The following CNTNAP5 variants were observed in gnomAD, a reference collection of about 807,000 sequenced individuals.
The protein encoded by CNTNAP5 is contactin-associated protein-like 5.
CNTNAP5 carries 72 observed loss-of-function variants against 150.2 expected under a neutral mutation model. The ratio of observed to expected loss-of-function variants is 0.48; its 90% CI spans 0.40 to 0.58. CNTNAP5 has a LOEUF of 0.58. CNTNAP5 is among the 20% of genes least tolerant of loss of function. The pLI, the probability that CNTNAP5 is intolerant of heterozygous loss-of-function variation, is 0.00. For synonymous variants in CNTNAP5, 672 were observed against 619.8 expected, an observed-to-expected ratio of 1.08 and a Z score of -1.25; for missense variants, 1,636 against 1,626.2, an observed-to-expected ratio of 1.01 and a Z score of -0.10.
intron 13 of CNTNAP5, among the ~76,000 whole-genome samples, chr2:124,655,745 T>G (rs1678429950): frequency 6.6e-6 from 1 of 151,352 alleles, no homozygotes; most frequent in South Asian, 2.1e-4. Flanking sequence ...AAAAGATATT[T>G]AAAAAGTTAT....
chr2:124,780,975 T>C (rs1681437019), intron 17 of CNTNAP5, among the ~76,000 whole-genome samples: 1 of 152,204 alleles, frequency 6.6e-6, no homozygotes, highest in South Asian at 2.1e-4. Flanking sequence ...CCTCTTTTCC[T>C]ACTATCTCAC....
chr2:124,754,856 A>AT (rs563809914), intron 14 of CNTNAP5, among the ~76,000 whole-genome samples: 96 of 146,260 alleles, frequency 6.6e-4, no homozygotes, highest in African/African-American at 1.5e-3. Context: ...CCCAGCCTAC[A>AT]TTTTTTTTTT....
At chr2:124,883,262 A>G (rs577509810) in intron 21 of CNTNAP5, among the ~76,000 whole-genome samples, 2 of 151,808 alleles carry the variant, frequency 1.3e-5, no homozygotes, top group South Asian at 2.1e-4. Flanking sequence ...GGCTTTCACC[A>G]TGTTGCCCGG....
At chr2:124,628,568 A>C (rs188203430) in intron 12 of CNTNAP5, among the ~76,000 whole-genome samples, 2 of 152,340 alleles carry the variant, frequency 1.3e-5, no homozygotes, top group Admixed American at 1.3e-4. Context: ...TGAAGGAAGC[A>C]CTAAACATAG....
intron 3 of CNTNAP5, among the ~76,000 whole-genome samples, chr2:124,361,405 A>T (rs200025362): frequency 8.6e-4 from 115 of 133,058 alleles, no homozygotes; most frequent in South Asian, 2.0e-3. Flanking sequence ...GAGTTTCCAG[A>T]TTTTCTGTTC....
intron 13 of CNTNAP5, among the ~76,000 whole-genome samples, chr2:124,678,915 G>A (rs1390789058): frequency 6.6e-6 from 1 of 151,934 alleles, no homozygotes; most frequent in Non-Finnish European, 1.5e-5. Context: ...TGCTTGGCAT[G>A]CTATAGGCAC....
At chr2:124,729,371 A>C in intron 13 of CNTNAP5, among the ~76,000 whole-genome samples, 1 of 152,212 alleles carries the variant, frequency 6.6e-6, no homozygotes, top group Middle Eastern at 3.4e-3. Context: ...ATAGAATAAT[A>C]ATGAATTTTT....
At chr2:124,670,025 A>G (rs904280703) in intron 13 of CNTNAP5, among the ~76,000 whole-genome samples, 2 of 151,954 alleles carry the variant, frequency 1.3e-5, no homozygotes, top group African/African-American at 4.8e-5. Flanking sequence ...TTCACTACTC[A>G]CAGCGAGACC....
chr2:124,880,612 C>G (rs1677945624), intron 21 of CNTNAP5, among the ~76,000 whole-genome samples: 1 of 152,034 alleles, frequency 6.6e-6, no homozygotes, highest in Admixed American at 6.6e-5. Flanking sequence ...TGCTCCCTAA[C>G]ATTGTTTGTA....
chr2:124,887,691 A>AT (rs1678109418), intron 21 of CNTNAP5, among the ~76,000 whole-genome samples: 1 of 152,142 alleles, frequency 6.6e-6, no homozygotes, highest in Admixed American at 6.6e-5. Context: ...AATTCATTCT[A>AT]GAAAGAAAAC....
In CNTNAP5 at chr2:124,869,695, C is replaced by T. The variant is rs1352805279; in HGVS notation, c.3369C>T (p.Leu1123=). The T allele has an allele frequency of 5.6e-6, 9 of 1,611,924 alleles. No homozygotes were observed. Among genetic ancestry groups the T allele is most frequent in the African/African-American group, 1.3e-5 (1 of 74,976 alleles). The change falls in exon 21 of 24, where the codon CTC becomes CTT. Residue 1123 remains leucine, a synonymous_variant. Transcript: ENST00000682447. ...LTIQMDQQLR[L]SYNFSPEVEF... ...TGCAGATGGACCAGCAACTTCGACT[C>T]AGTTATAACTTCTCTCCGGAAGTAG...
In CNTNAP5 at chr2:124,698,817, C is replaced by T. The variant is rs370032296; in HGVS notation, c.2078-48412C>T. On this transcript the variant is annotated intron_variant, in intron 13 of 23. Transcript: ENST00000682447. ...CCTCCCACTCTGAGGATTTCCCACC[C>T]CCTAGGCCATTAGAAAACCTGCATG... Among the ~76,000 whole-genome samples, 8 of 152,252 alleles carry T rather than the reference C, an allele frequency of 5.3e-5. No homozygotes were observed. The East Asian group carries it at 9.7e-4, about 18-fold the overall frequency.
intron 13 of CNTNAP5, among the ~76,000 whole-genome samples, chr2:124,649,108 A>G (rs1371858488): frequency 1.3e-5 from 2 of 152,220 alleles, no homozygotes; most frequent in African/African-American, 4.8e-5. Flanking sequence ...AATCTTTCTC[A>G]AATGGATTAC....
At chr2:124,319,244 G>C (rs935245282) in intron 3 of CNTNAP5, among the ~76,000 whole-genome samples, 4 of 152,132 alleles carry the variant, frequency 2.6e-5, no homozygotes, top group Non-Finnish European at 5.9e-5. Flanking sequence ...TAATACATAA[G>C]TCCAAAGCAG....
intron 1 of CNTNAP5, among the ~76,000 whole-genome samples, chr2:124,197,938 G>A (rs1359402928): frequency 6.6e-6 from 1 of 151,246 alleles, no homozygotes; most frequent in Admixed American, 6.6e-5. Flanking sequence ...CTGAGATCGC[G>A]CCACTGCACT....
chr2:124,602,338 CAA>C (rs35316532), intron 11 of CNTNAP5, among the ~76,000 whole-genome samples: 4,825 of 89,580 alleles, frequency 0.054, 133 homozygotes, highest in African/African-American at 0.11. Flanking sequence ...AAGACTTCAC[CAA>C]AAAAAAAAAA....
chr2:124,129,392 G>A (rs1683792673), intron 1 of CNTNAP5, among the ~76,000 whole-genome samples: 1 of 152,168 alleles, frequency 6.6e-6, no homozygotes, highest in Non-Finnish European at 1.5e-5. Context: ...CCCACAGCCA[G>A]GCTGGGCTAA....
At chr2:124,861,932 G>C (rs1677533527) in intron 19 of CNTNAP5, among the ~76,000 whole-genome samples, 1 of 152,120 alleles carries the variant, frequency 6.6e-6, no homozygotes, top group African/African-American at 2.4e-5. Flanking sequence ...TCCTGCCTCA[G>C]TCTCCTGAGT....
At chr2:124,852,217 T>A (rs1027581533) in intron 19 of CNTNAP5, among the ~76,000 whole-genome samples, 1 of 152,218 alleles carries the variant, frequency 6.6e-6, no homozygotes, top group East Asian at 1.9e-4. Flanking sequence ...GAGTCCATGA[T>A]GCACTAATCA....
Sources: allele counts gnomAD v4.1 joint callset (sites outside exome capture counted in the v4.1 genomes callset), GRCh38; gene constraint gnomAD v4.1.1; transcripts MANE v1.5; gene names NCBI Gene and HGNC (gene_info 2026-07-23, HGNC 2026-07-21).